The following HECW2 variants were observed in gnomAD, a reference collection of about 807,000 sequenced individuals.
HECW2 encodes the protein HECT, C2 and WW domain containing E3 ubiquitin protein ligase 2.
A neutral mutation model predicts 175.2 loss-of-function variants in HECW2; 61 were observed. That is an observed-to-expected ratio of 0.35 (90% confidence interval 0.28 to 0.43). HECW2 has a LOEUF of 0.43. HECW2 is among the 20% of genes least tolerant of loss of function. HECW2 has a pLI of 1.00. For synonymous variants in HECW2, 671 were observed against 731.0 expected (o/e 0.92, Z 1.32); for missense variants, 1,524 against 2,000.5 (o/e 0.76, Z 4.54).
chr2:196,516,181 T>C (rs948809336), intron 1 of HECW2, among the ~76,000 whole-genome samples: 20 of 152,092 alleles, frequency 1.3e-4, no homozygotes, highest in Non-Finnish European at 2.9e-4. Flanking sequence ...TATTTTTAGG[T>C]TGGATTATGC....
intron 28 of HECW2, among the ~76,000 whole-genome samples, chr2:196,210,617 A>AT (rs539957970): frequency 1.4e-3 from 218 of 151,150 alleles, no homozygotes; most frequent in African/African-American, 2.2e-3. Flanking sequence ...TAAAAAGCAG[A>AT]TTTTTTTTTC....
At chr2:196,481,940 T>A (rs1426841207) in intron 1 of HECW2, among the ~76,000 whole-genome samples, 1 of 152,198 alleles carries the variant, frequency 6.6e-6, no homozygotes, top group African/African-American at 2.4e-5. Flanking sequence ...ACCTGCACAA[T>A]GTCCAAGTTC....
At chr2:196,309,257 G>GC (rs1401046575) in intron 10 of HECW2, among the ~76,000 whole-genome samples, 8 of 152,216 alleles carry the variant, frequency 5.3e-5, no homozygotes, top group African/African-American at 1.9e-4. Context: ...TCAGCTAGGA[G>GC]CAGAAAGACA....
At chr2:196,442,897 T>A (rs966814257) in intron 1 of HECW2, among the ~76,000 whole-genome samples, 1 of 152,182 alleles carries the variant, frequency 6.6e-6, no homozygotes, top group African/African-American at 2.4e-5. Flanking sequence ...TTTATTACAA[T>A]AAATGGTTAT....
At chr2:196,369,837 C>A (rs746006122) in intron 2 of HECW2, among the ~76,000 whole-genome samples, 5 of 152,124 alleles carry the variant, frequency 3.3e-5, no homozygotes, top group Admixed American at 1.3e-4. Context: ...TGCCTGGCTA[C>A]TACTGATATT....
chr2:196,284,861 GAA>G (rs1690322781), intron 14 of HECW2, among the ~76,000 whole-genome samples: 1 of 17,916 alleles, frequency 5.6e-5, no homozygotes, highest in Non-Finnish European at 3.5e-4. Flanking sequence ...CATGAAAAAA[GAA>G]AAATATGGAA....
chr2:196,538,346 A>G (rs1382812084), intron 1 of HECW2, among the ~76,000 whole-genome samples: 3 of 152,186 alleles, frequency 2.0e-5, no homozygotes, highest in African/African-American at 7.2e-5. Context: ...CTGTGATACA[A>G]GCAGTTCTGG....
intron 1 of HECW2, among the ~76,000 whole-genome samples, chr2:196,549,212 A>G (rs987371758): frequency 6.6e-6 from 1 of 152,238 alleles, no homozygotes; most frequent in Non-Finnish European, 1.5e-5. Context: ...ATTATAAAGG[A>G]AACACATGCA....
intron 1 of HECW2, among the ~76,000 whole-genome samples, chr2:196,542,112 A>C (rs1308069576): frequency 1.3e-5 from 2 of 151,958 alleles, no homozygotes; most frequent in Admixed American, 1.3e-4. Context: ...AAAAATACAA[A>C]AATTAGTCAG....
chr2:196,340,146 A>G (rs1026288169), intron 3 of HECW2, among the ~76,000 whole-genome samples: 1 of 152,208 alleles, frequency 6.6e-6, no homozygotes, highest in African/African-American at 2.4e-5. Context: ...ATTTTTAAAT[A>G]CTTTGCATTT....
intron 2 of HECW2, among the ~76,000 whole-genome samples, chr2:196,387,523 C>T (rs530876490): frequency 4.9e-4 from 74 of 152,098 alleles, no homozygotes; most frequent in Non-Finnish European, 9.6e-4. Flanking sequence ...GCCTCCAGAA[C>T]GGAGAAAGAA....
rs1470501702 is a variant in HECW2, at chr2:196,560,208, C to T, written c.-36+33300G>A. Among the ~76,000 whole-genome samples the T allele has an allele frequency of 3.9e-5, 6 of 152,120 alleles. No individual in the cohort carries two copies. The South Asian group carries it at 6.2e-4, about 16-fold the overall frequency. ...TTGCCCAGGTTGGAGTGCAATGGCGCGATCTCGGCTCACTGCAACCTCCAC... is the reference window on the plus strand; with the variant it reads ...TTGCCCAGGTTGGAGTGCAATGGCGTGATCTCGGCTCACTGCAACCTCCAC... On this transcript the variant is annotated intron_variant, in intron 1 of 28. Transcript: ENST00000644978.
intron 1 of HECW2, among the ~76,000 whole-genome samples, chr2:196,531,068 T>C (rs550245479): frequency 1.3e-5 from 2 of 152,330 alleles, no homozygotes; most frequent in African/African-American, 2.4e-5. Context: ...TGTATTCTAA[T>C]AGCAGACTTC....
At chr2:196,292,125 CAG>C (rs1273492541) in intron 14 of HECW2, 3 of 155,976 alleles carry the variant, frequency 1.9e-5, no homozygotes, top group Non-Finnish European at 4.2e-5. Flanking sequence ...AGCCCAAGCC[CAG>C]ACAGTGTCAC....
intron 1 of HECW2, among the ~76,000 whole-genome samples, chr2:196,466,315 A>G (rs73989936): frequency 0.011 from 1,747 of 152,328 alleles, 36 homozygotes; most frequent in African/African-American, 0.039. Flanking sequence ...TTAAGCCACA[A>G]TGAAAATATT....
intron 1 of HECW2, among the ~76,000 whole-genome samples, chr2:196,539,499 G>C (rs548017971): frequency 3.9e-5 from 6 of 152,228 alleles, no homozygotes; most frequent in Middle Eastern, 6.8e-3. Flanking sequence ...GCCGGCTGTG[G>C]TGGCGGGCAC....
Position 196,325,132 on chromosome 2 carries a change from G to T in HECW2, c.589C>A (p.Leu197Ile). 6.3e-7 allele frequency: 1 copy of T among 1,598,686 alleles called. No homozygotes were observed. Residue 197 changes from leucine (L) to isoleucine (I), a missense_variant, in exon 6 of 29, where the codon CTA becomes ATA. Physicochemically the swap from Leu to Ile is conservative, Grantham distance 5. Around this residue, in one of 11 missense-constraint regions of HECW2, gnomAD observed 54 missense variants for 46.8 expected, o/e 1.15. Coordinates refer to ENST00000644978, the MANE Select transcript of HECW2 (RefSeq NM_001348768.2). ...GGATTGAAGAACATCCCTTTCTTTAGCCCAACTGCCCTAAGATCTTTAAAG... is the reference window on the plus strand; with the variant it reads ...GGATTGAAGAACATCCCTTTCTTTATCCCAACTGCCCTAAGATCTTTAAAG... ...FTLSDLRAVGLKKGMFFNPDP... is the reference protein window; with the variant it reads ...FTLSDLRAVGIKKGMFFNPDP...
At chr2:196,374,038 AAT>A (rs1693981105) in intron 2 of HECW2, among the ~76,000 whole-genome samples, 2 of 136,742 alleles carry the variant, frequency 1.5e-5, no homozygotes, top group African/African-American at 7.1e-5. Context: ...TCTCAAAAAA[AAT>A]AAAATAAAAT....
At chr2:196,389,318 T>C (rs972269459) in intron 2 of HECW2, among the ~76,000 whole-genome samples, 6 of 152,180 alleles carry the variant, frequency 3.9e-5, no homozygotes, top group African/African-American at 1.4e-4. Context: ...AGTTATTTCC[T>C]TAGTGCAGCA....
Sources: gnomAD v4.1 joint callset for allele counts (sites outside exome capture counted in the v4.1 genomes callset) on GRCh38, gnomAD v4.1.1 for gene constraint, gnomAD v4.1.1 regional missense constraint, MANE v1.5 for transcripts, NCBI Gene and HGNC (gene_info 2026-07-23, HGNC 2026-07-21) for gene names.